TANC1: variants seen among roughly 807,000 people sequenced by gnomAD.
TANC1 encodes protein TANC1.
TANC1 carries 77 observed loss-of-function variants against 149.7 expected under a neutral mutation model. The ratio of observed to expected loss-of-function variants is 0.51; its 90% CI spans 0.43 to 0.62. TANC1 has a LOEUF of 0.62. Ranked by LOEUF, TANC1 falls within the 20% of genes least tolerant of loss-of-function variation. The probability of loss-of-function intolerance (pLI) is 0.00; values close to 1 mark genes in which losing one functional copy is unlikely to be tolerated. For synonymous variants in TANC1, 854 were observed against 925.0 expected, an observed-to-expected ratio of 0.92 and a Z score of 1.39; for missense variants, 1,985 against 2,321.8, an observed-to-expected ratio of 0.85 and a Z score of 2.98.
chr2:158,977,612 AT>A (rs59088769), intron 1 of TANC1, among the ~76,000 whole-genome samples: 9,811 of 142,706 alleles, frequency 0.069, 320 homozygotes, highest in Non-Finnish European at 0.092. Flanking sequence ...TGCCTGGCTA[AT>A]TTTTTTTTTT....
intron 2 of TANC1, among the ~76,000 whole-genome samples, chr2:159,022,653 G>A (rs770597497): frequency 2.4e-4 from 36 of 152,264 alleles, no homozygotes; most frequent in African/African-American, 8.2e-4. Flanking sequence ...CAGGAGAATC[G>A]CTTGAACCCA....
intron 5 of TANC1, among the ~76,000 whole-genome samples, chr2:159,144,997 T>G (rs2150276806): frequency 6.6e-6 from 1 of 152,316 alleles, no homozygotes; most frequent in East Asian, 1.9e-4. Context: ...TCAGCAATAC[T>G]CAGTGTTCTT....
intron 4 of TANC1, among the ~76,000 whole-genome samples, chr2:159,111,610 A>G (rs1475793155): frequency 6.6e-6 from 1 of 152,224 alleles, no homozygotes; most frequent in African/African-American, 2.4e-5. Context: ...TACCTGGTAC[A>G]CCAGAATCCC....
intron 4 of TANC1, among the ~76,000 whole-genome samples, chr2:159,123,880 GT>G (rs2049113942): frequency 6.6e-6 from 1 of 152,128 alleles, no homozygotes; most frequent in Admixed American, 6.5e-5. Flanking sequence ...AGTGACGCCA[GT>G]CTCCCCTCGT....
At chr2:158,988,325 CAAAAAA>C (rs1285907133) in intron 1 of TANC1, among the ~76,000 whole-genome samples, 3 of 87,416 alleles carry the variant, frequency 3.4e-5, no homozygotes, top group Admixed American at 2.3e-4. Context: ...GACCCTGTCC[CAAAAAA>C]AAAAAAAAAA....
intron 23 of TANC1, 150 bp downstream of exon 23, chr2:159,224,514 T>C: frequency 1.2e-6 from 1 of 859,908 alleles, no homozygotes; most frequent in Non-Finnish European, 1.8e-6. Flanking sequence ...TAATCACCAT[T>C]ATACACAATG....
At chr2:159,212,023 T>C (rs184964362) in intron 19 of TANC1, among the ~76,000 whole-genome samples, 29 of 152,352 alleles carry the variant, frequency 1.9e-4, no homozygotes, top group Admixed American at 2.6e-4. Context: ...GAGGTCCCTA[T>C]TTTTAGTGCT....
chr2:159,213,924 G>A (rs1285141227), intron 19 of TANC1, among the ~76,000 whole-genome samples: 9 of 151,886 alleles, frequency 5.9e-5, no homozygotes, highest in African/African-American at 9.7e-5. Context: ...TCAGGAGTTC[G>A]AGACCAGCCT....
chr2:159,162,678 G>A (rs1297888461), intron 7 of TANC1, among the ~76,000 whole-genome samples: 3 of 152,076 alleles, frequency 2.0e-5, no homozygotes, highest in Non-Finnish European at 2.9e-5. Flanking sequence ...CTTCACCTGC[G>A]CTGGATATGG....
At chr2:159,018,941 G>A (rs1368119101) in intron 2 of TANC1, among the ~76,000 whole-genome samples, 1 of 152,218 alleles carries the variant, frequency 6.6e-6, no homozygotes, top group African/African-American at 2.4e-5. Flanking sequence ...GGGCATGAAG[G>A]TAGTAACATC....
At chr2:159,163,584 G>A in intron 8 of TANC1, 38 bp downstream of exon 8, 3 of 1,591,902 alleles carry the variant, frequency 1.9e-6, no homozygotes, top group South Asian at 1.1e-5. Flanking sequence ...TTATCTCAGG[G>A]ATACCAAGGT....
rs1014950124 is a variant in TANC1 at position 159,082,581 on chromosome 2, C to T, written c.62-15056C>T. 3.3e-5 allele frequency among the ~76,000 whole-genome samples: 5 copies of T among 152,244 alleles called. No homozygotes were observed. In the South Asian group the frequency reaches 6.2e-4, roughly 19 times the overall value. On this transcript the variant is annotated intron_variant, in intron 3 of 26. Coordinates refer to ENST00000263635, the MANE Select transcript of TANC1 (RefSeq NM_033394.3). Reference sequence around the variant, plus strand: ...TTGTCTGTGTGGCAAACATGACCCTCGCCTTTCCATCTGGAGCAGATGGGG... The same window carrying T: ...TTGTCTGTGTGGCAAACATGACCCTTGCCTTTCCATCTGGAGCAGATGGGG...
At position 159,185,861 on chromosome 2, in the gene TANC1, G is replaced by A. The variant is rs1489034425; in HGVS notation, c.2581G>A (p.Glu861Lys). 1 of 1,614,166 alleles carries A rather than the reference G, an allele frequency of 6.2e-7. No individual in the cohort carries two copies. Among genetic ancestry groups the A allele is most frequent in the Non-Finnish European group, 8.5e-7 (1 of 1,180,014 alleles). The change falls in exon 15 of 27, where the codon GAG becomes AAG. Residue 861 changes from glutamate (E) to lysine (K), a missense_variant. Around this residue, in one of 3 missense-constraint regions of TANC1, gnomAD observed 508 missense variants for 714.2 expected, o/e 0.71. Transcript: ENST00000263635. ...CAAGTTGAACCGCCAGCAGACCATGGAGCTTGGCCACCACATCCTGAAGGC... is the reference window on the plus strand; with the variant it reads ...CAAGTTGAACCGCCAGCAGACCATGAAGCTTGGCCACCACATCCTGAAGGC... The part of the protein sequence containing the change: ...EGKLNRQQTM[E>K]LGHHILKAHI...
At position 159,006,956 on chromosome 2, in the gene TANC1, A is replaced by G. The variant is rs187913674; in HGVS notation, c.-16+5767A>G. On this transcript the variant is annotated intron_variant, in intron 2 of 26. Transcript: ENST00000263635. Reference sequence around the variant, plus strand: ...ATAATAATGCTGTGCACTCTGGAATAGGGGAAAAATATAGTTCTTACACAG... The same window carrying G: ...ATAATAATGCTGTGCACTCTGGAATGGGGGAAAAATATAGTTCTTACACAG... Among the ~76,000 whole-genome samples the G allele has an allele frequency of 9.8e-5, 15 of 152,306 alleles. No homozygotes were observed. In the East Asian group the frequency reaches 2.9e-3, roughly 29 times the overall value.
intron 4 of TANC1, among the ~76,000 whole-genome samples, chr2:159,129,892 G>A (rs921551119): frequency 1.3e-5 from 2 of 152,208 alleles, no homozygotes; most frequent in South Asian, 2.1e-4. Flanking sequence ...ACTGGAGTGG[G>A]TGGTAAACAG....
chr2:159,188,753 C>T (rs2057214294), intron 16 of TANC1, among the ~76,000 whole-genome samples: 1 of 152,272 alleles, frequency 6.6e-6, no homozygotes, highest in African/African-American at 2.4e-5. Flanking sequence ...GGCCAAGCCT[C>T]TTCTGGTCCT....
rs780408324 is a variant in TANC1, at chr2:159,231,063, G to A, written c.*51G>A. The A allele has an allele frequency of 4.3e-6, 6 of 1,395,504 alleles. No individual in the cohort carries two copies. The highest frequency in any genetic ancestry group is 2.8e-5 in the South Asian group (2 of 70,738). 86.4% of individuals were successfully genotyped at this position (1,395,504 alleles called of 1,614,324 possible). On this transcript the variant is annotated 3_prime_UTR_variant, in exon 27 of 27. Transcript: ENST00000263635. The stretch of plus-strand genomic sequence containing the variant: ...ATTTGGAAACGTGTGTTGACTCCTG[G>A]TGGTAAATTAAATAGTTTTTTTCAT...
chr2:159,081,931 C>A (rs892394994), intron 3 of TANC1, among the ~76,000 whole-genome samples: 1 of 152,228 alleles, frequency 6.6e-6, no homozygotes. Flanking sequence ...GTCCAGTGAC[C>A]AGCCCTTCTC....
chr2:159,162,371 C>A (rs1250629950), intron 7 of TANC1, among the ~76,000 whole-genome samples: 1 of 151,812 alleles, frequency 6.6e-6, no homozygotes, highest in Non-Finnish European at 1.5e-5. Context: ...TGGACATGGC[C>A]CCTGTTCTCA....
Sources: allele counts gnomAD v4.1 joint callset (sites outside exome capture counted in the v4.1 genomes callset), GRCh38; gene constraint gnomAD v4.1.1; regional missense constraint gnomAD v4.1.1; transcripts MANE v1.5; gene names NCBI Gene and HGNC (gene_info 2026-07-23, HGNC 2026-07-21).